NOP58: variants seen among roughly 807,000 people sequenced by gnomAD.
NOP58 encodes NOP58 ribonucleoprotein.
In NOP58, 44 loss-of-function variants were observed where a neutral mutation model predicts 71.2. The observed-to-expected ratio is 0.62, with a 90% CI of 0.49 to 0.79. NOP58 has a LOEUF of 0.79. Ranked by LOEUF, NOP58 falls within the 30% of genes least tolerant of loss-of-function variation. The pLI, the probability that NOP58 is intolerant of heterozygous loss-of-function variation, is 0.00. For missense variants in NOP58, 538 were observed against 620.2 expected (o/e 0.87, Z 1.41); for synonymous variants, 228 against 200.3 (o/e 1.14, Z -1.17).
chr2:202,291,388 G>A (rs1688891757), intron 8 of NOP58, 118 bp downstream of exon 8: 12 of 701,116 alleles, frequency 1.7e-5, no homozygotes, highest in Non-Finnish European at 2.3e-5. Flanking sequence ...ATAAATATGA[G>A]GGTGTTCAGT....
intron 8 of NOP58, among the ~76,000 whole-genome samples, 165 bp from the exon 9 acceptor site, chr2:202,292,612 T>TG (rs1310995576): frequency 6.6e-6 from 1 of 150,794 alleles, no homozygotes; most frequent in African/African-American, 2.4e-5. Context: ...CGCTCCAGCC[T>TG]GGGAAAAAAA....
chr2:202,300,501 T>C, intron 13 of NOP58, 134 bp downstream of exon 13: 1 of 656,450 alleles, frequency 1.5e-6, no homozygotes, highest in Non-Finnish European at 2.6e-6. Context: ...GTTTTAATAA[T>C]GCCATTATGT....
At chr2:202,292,492 G>T (rs189468356) in intron 8 of NOP58, among the ~76,000 whole-genome samples, 1 of 152,066 alleles carries the variant, frequency 6.6e-6, no homozygotes, top group Admixed American at 6.6e-5. Flanking sequence ...CAAAAAATTA[G>T]CTGGGCGTGG....
chr2:202,276,205 G>A (rs192145727), intron 2 of NOP58, among the ~76,000 whole-genome samples: 2 of 151,920 alleles, frequency 1.3e-5, no homozygotes, highest in Non-Finnish European at 2.9e-5. Context: ...GGGCGTGGTG[G>A]CACATGCCTG....
In NOP58 at chr2:202,265,991, G is replaced by C; in HGVS notation, c.45+5G>C. The C allele has an allele frequency of 1.1e-5, 17 of 1,614,160 alleles. No homozygotes were observed. Among genetic ancestry groups the C allele is most frequent in the Non-Finnish European group, 1.4e-5 (17 of 1,180,006 alleles). On this transcript the variant is annotated splice_donor_5th_base_variant and intron_variant, in intron 1 of 14. Transcript: ENST00000264279. ...GTGGGTTACGCCATCTTTAAGGTAGGTGGGAGAGCGAGCCGTTAAAGGGGG... is the reference window on the plus strand; with the variant it reads ...GTGGGTTACGCCATCTTTAAGGTAGCTGGGAGAGCGAGCCGTTAAAGGGGG...
chr2:202,302,893 G>A (rs1479272900), intron 13 of NOP58, 28 bp from the exon 14 acceptor site: 2 of 1,588,282 alleles, frequency 1.3e-6, no homozygotes, highest in Non-Finnish European at 1.7e-6. Context: ...GTGTTAATTT[G>A]TTGTGCCTTT....
chr2:202,277,675 G>T (rs1688627109), intron 2 of NOP58, among the ~76,000 whole-genome samples: 1 of 152,112 alleles, frequency 6.6e-6, no homozygotes, highest in South Asian at 2.1e-4. Flanking sequence ...TGCAACAGGG[G>T]TTTGTATTAA....
Position 202,300,225 on chromosome 2 carries a change from G to A in NOP58, c.1269-9G>A, listed in dbSNP as rs1165417375. 2.5e-6 allele frequency: 4 copies of A among 1,571,134 alleles called. No individual in the cohort carries two copies. Among genetic ancestry groups the A allele is most frequent in the Non-Finnish European group, 3.4e-6 (4 of 1,169,566 alleles). The stretch of plus-strand genomic sequence containing the variant: ...TTAGAGATTTTCTAAAACTTTTTGG[G>A]TCTTTCAGTGAAGTGAAGACTTACG... On this transcript the variant is annotated splice_polypyrimidine_tract_variant and intron_variant, in intron 12 of 14. Coordinates refer to ENST00000264279, the MANE Select transcript of NOP58 (RefSeq NM_015934.5).
Position 202,292,913 on chromosome 2 carries a change from T to G in NOP58, c.907+10T>G. ...CTTATTGCTCATGCAGGTGATGGTT[T>G]TAATGTAATTTGTAAATATGAGTGT... On this transcript the variant is annotated intron_variant, in intron 9 of 14. Transcript: ENST00000264279. 6.2e-7 allele frequency: 1 copy of G among 1,613,866 alleles called. No homozygotes were observed. Among genetic ancestry groups the G allele is most frequent in the Non-Finnish European group, 8.5e-7 (1 of 1,179,774 alleles).
chr2:202,295,923 T>A, intron 10 of NOP58, 86 bp downstream of exon 10: 1 of 994,418 alleles, frequency 1.0e-6, no homozygotes, highest in Non-Finnish European at 1.4e-6. Context: ...TAGTACACAT[T>A]AAATCTTCTA....
intron 1 of NOP58, among the ~76,000 whole-genome samples, chr2:202,270,047 A>G (rs552345145): frequency 6.6e-6 from 1 of 152,284 alleles, no homozygotes; most frequent in South Asian, 2.1e-4. Context: ...TCTATATAAA[A>G]CCTAAGTACT....
At chr2:202,287,204 A>C (rs763282708) in intron 5 of NOP58, among the ~76,000 whole-genome samples, 1 of 151,168 alleles carries the variant, frequency 6.6e-6, no homozygotes, top group Non-Finnish European at 1.5e-5. Context: ...AGAGTAGCTG[A>C]GATTCAGGCG....
chr2:202,267,376 G>A (rs1553569943), intron 1 of NOP58, among the ~76,000 whole-genome samples: 1 of 152,126 alleles, frequency 6.6e-6, no homozygotes, highest in Non-Finnish European at 1.5e-5. Flanking sequence ...GTTTGCATTT[G>A]ATACGTCAAA....
intron 6 of NOP58, 68 bp from the exon 7 acceptor site, chr2:202,290,255 T>G: frequency 7.5e-7 from 1 of 1,336,538 alleles, no homozygotes; most frequent in Non-Finnish European, 1.0e-6. Context: ...TGTTAAATTT[T>G]ATGTTGTGTA....
chr2:202,291,828 AAG>A (rs1405010242), intron 8 of NOP58, among the ~76,000 whole-genome samples: 42 of 139,914 alleles, frequency 3.0e-4, no homozygotes, highest in African/African-American at 1.3e-3. Flanking sequence ...AAAAAAAAAA[AAG>A]GATGGCAGAC....
chr2:202,289,975 G>A (rs1455525339), intron 6 of NOP58, among the ~76,000 whole-genome samples: 1 of 151,300 alleles, frequency 6.6e-6, no homozygotes, highest in Non-Finnish European at 1.5e-5. Context: ...AATTTTTTGC[G>A]ACGGAATCTT....
intron 3 of NOP58, among the ~76,000 whole-genome samples, chr2:202,281,904 G>C (rs949109870): frequency 6.6e-6 from 1 of 152,152 alleles, no homozygotes; most frequent in Non-Finnish European, 1.5e-5. Context: ...TACAAGCAAA[G>C]CTAAGGCCTT....
intron 3 of NOP58, among the ~76,000 whole-genome samples, chr2:202,281,639 C>T (rs1202299878): frequency 1.3e-5 from 2 of 152,110 alleles, no homozygotes; most frequent in Non-Finnish European, 2.9e-5. Flanking sequence ...AGGGTTTCGC[C>T]GTGTTGGCCA....
At chr2:202,286,868 A>G (rs965891451) in intron 5 of NOP58, among the ~76,000 whole-genome samples, 2 of 152,212 alleles carry the variant, frequency 1.3e-5, no homozygotes, top group African/African-American at 4.8e-5. Context: ...TAAAGGTCCT[A>G]TAATGCACAG....
Sources: allele counts gnomAD v4.1 joint callset (sites outside exome capture counted in the v4.1 genomes callset), GRCh38; gene constraint gnomAD v4.1.1; transcripts MANE v1.5; gene names NCBI Gene and HGNC (gene_info 2026-07-23, HGNC 2026-07-21).